The following MARCHF1 variants were observed in gnomAD, a reference collection of about 807,000 sequenced individuals.
MARCHF1 encodes the protein membrane associated ring-CH-type finger 1.
Under a neutral mutation model 54.2 loss-of-function variants are expected in MARCHF1, and 40 were observed. The ratio of observed to expected loss-of-function variants is 0.74; its 90% CI spans 0.57 to 0.96. The LOEUF (loss-of-function observed/expected upper bound fraction) is 0.96, where lower values mean the gene tolerates loss of function less well. MARCHF1 is among the 40% of genes least tolerant of loss of function. The pLI is 0.00. For missense variants in MARCHF1, 586 were observed against 656.5 expected (o/e 0.89, Z 1.17); for synonymous variants, 236 against 236.3 (o/e 1.00, Z 0.01).
At chr4:163,780,570 T>C (rs1747435771) in intron 4 of MARCHF1, among the ~76,000 whole-genome samples, 1 of 151,854 alleles carries the variant, frequency 6.6e-6, no homozygotes, top group Non-Finnish European at 1.5e-5. Flanking sequence ...AGCAAAAAAA[T>C]GAAGGCTGTA....
At chr4:163,567,445 C>T (rs1370943233) in intron 8 of MARCHF1, among the ~76,000 whole-genome samples, 1 of 152,104 alleles carries the variant, frequency 6.6e-6, no homozygotes, top group Non-Finnish European at 1.5e-5. Context: ...GCCTACTGAA[C>T]CAAGATGATA....
At chr4:163,552,670 C>A (rs1487732363) in intron 8 of MARCHF1, among the ~76,000 whole-genome samples, 1 of 152,170 alleles carries the variant, frequency 6.6e-6, no homozygotes, top group Non-Finnish European at 1.5e-5. Context: ...CTCGTTGAAT[C>A]CATCACTGAG....
intron 4 of MARCHF1, among the ~76,000 whole-genome samples, chr4:163,756,267 T>G (rs907934991): frequency 1.5e-4 from 23 of 152,100 alleles, no homozygotes; most frequent in African/African-American, 5.6e-4. Context: ...TGTTTAATTC[T>G]TACTCCAGGG....
chr4:163,724,472 A>T (rs1745587732), intron 4 of MARCHF1, among the ~76,000 whole-genome samples: 1 of 152,152 alleles, frequency 6.6e-6, no homozygotes, highest in South Asian at 2.1e-4. Flanking sequence ...CCACTTGAGG[A>T]GGCAGTCTGT....
rs1231280159 is a variant in MARCHF1 at position 163,526,069 on chromosome 4, A to ATAT, written c.*2676_*2678dup. 2.0e-5 allele frequency: 3 copies of ATAT among 152,092 alleles called. No individual in the cohort carries two copies. Among genetic ancestry groups the ATAT allele is most frequent in the African/African-American group, 7.2e-5 (3 of 41,430 alleles). 9.4% of individuals were successfully genotyped at this position (152,092 alleles called of 1,614,324 possible). A position where few individuals can be genotyped will look rare whatever the true frequency, so the allele number is the denominator to read the frequency against. ...TTGACTTTTAACCTGCCAGGAAGCT[A>ATAT]TATTATATTATTTTCTCATTTCAAC... On this transcript the variant is annotated 3_prime_UTR_variant, in exon 10 of 10. Coordinates refer to ENST00000514618, the MANE Select transcript of MARCHF1 (RefSeq NM_001394959.1).
chr4:164,052,459 G>T (rs536260453), intron 2 of MARCHF1, among the ~76,000 whole-genome samples: 1 of 152,226 alleles, frequency 6.6e-6, no homozygotes, highest in Non-Finnish European at 1.5e-5. Context: ...TTGAACCCGG[G>T]AGGTGGAGGT....
intron 1 of MARCHF1, among the ~76,000 whole-genome samples, chr4:164,250,521 T>G (rs1195054239): frequency 5.9e-5 from 9 of 152,232 alleles, no homozygotes; most frequent in African/African-American, 1.9e-4. Context: ...ATTAAAACTC[T>G]TTTAATTTTC....
chr4:163,722,929 A>G (rs1041159061), intron 4 of MARCHF1, among the ~76,000 whole-genome samples: 36 of 152,202 alleles, frequency 2.4e-4, no homozygotes, highest in African/African-American at 8.2e-4. Flanking sequence ...TCTGCAAGTG[A>G]GATGGGTTTC....
chr4:163,829,916 A>C (rs1748970432), intron 4 of MARCHF1, among the ~76,000 whole-genome samples: 1 of 152,198 alleles, frequency 6.6e-6, no homozygotes, highest in Admixed American at 6.5e-5. Context: ...TGGCTTCCTA[A>C]GTTTCTGAAA....
chr4:164,098,634 T>A (rs1013974787), intron 2 of MARCHF1, among the ~76,000 whole-genome samples: 1 of 152,240 alleles, frequency 6.6e-6, no homozygotes, highest in East Asian at 1.9e-4. Flanking sequence ...CACCAATAAA[T>A]TGGTATGTAT....
intron 7 of MARCHF1, among the ~76,000 whole-genome samples, chr4:163,605,043 T>C (rs958674691): frequency 6.6e-6 from 1 of 152,116 alleles, no homozygotes; most frequent in Non-Finnish European, 1.5e-5. Flanking sequence ...TAAGACATTG[T>C]CTTGGCACAG....
At chr4:163,645,036 G>A (rs988412596) in intron 5 of MARCHF1, among the ~76,000 whole-genome samples, 4 of 152,146 alleles carry the variant, frequency 2.6e-5, no homozygotes, top group Non-Finnish European at 4.4e-5. Flanking sequence ...AGTACTGCCT[G>A]CCCAGGGACC....
chr4:164,294,859 T>C (rs1734372694), intron 1 of MARCHF1, among the ~76,000 whole-genome samples: 1 of 152,184 alleles, frequency 6.6e-6, no homozygotes, highest in Admixed American at 6.6e-5. Flanking sequence ...TTCTTAAATA[T>C]ACCCTATTGT....
intron 5 of MARCHF1, among the ~76,000 whole-genome samples, chr4:163,675,111 T>C (rs1743869321): frequency 6.6e-6 from 1 of 152,176 alleles, no homozygotes; most frequent in African/African-American, 2.4e-5. Context: ...TGAAATTTAA[T>C]AATATCAAAG....
chr4:164,221,248 T>C (rs1361595149), intron 1 of MARCHF1, among the ~76,000 whole-genome samples: 1 of 152,068 alleles, frequency 6.6e-6, no homozygotes, highest in South Asian at 2.1e-4. Flanking sequence ...TTCAAATGTA[T>C]AAGTTAAAGC....
intron 3 of MARCHF1, among the ~76,000 whole-genome samples, chr4:163,916,183 G>A (rs1751303942): frequency 6.6e-6 from 1 of 152,162 alleles, no homozygotes; most frequent in Non-Finnish European, 1.5e-5. Flanking sequence ...TGTAACTGAA[G>A]TAGACCAGTG....
chr4:163,754,754 A>G (rs1746617769), intron 4 of MARCHF1, among the ~76,000 whole-genome samples: 1 of 152,228 alleles, frequency 6.6e-6, no homozygotes, highest in Admixed American at 6.5e-5. Flanking sequence ...AAGTGCAAAA[A>G]TATCACTTTA....
intron 3 of MARCHF1, among the ~76,000 whole-genome samples, chr4:163,976,011 C>T (rs28625046): frequency 0.04 from 6,124 of 152,048 alleles, 338 homozygotes; most frequent in East Asian, 0.14. Context: ...GAAATGCAAG[C>T]CATATCTTAT....
At chr4:164,358,513 T>C (rs1730628971) in intron 1 of MARCHF1, among the ~76,000 whole-genome samples, 1 of 152,162 alleles carries the variant, frequency 6.6e-6, no homozygotes, top group South Asian at 2.1e-4. Context: ...ATATCTGAAA[T>C]TAGTTTTACA....
Sources: gnomAD v4.1 joint callset for allele counts (sites outside exome capture counted in the v4.1 genomes callset) on GRCh38, gnomAD v4.1.1 for gene constraint, MANE v1.5 for transcripts, NCBI Gene and HGNC (gene_info 2026-07-23, HGNC 2026-07-21) for gene names.